The following ARMC9 variants were observed in gnomAD, a reference collection of about 807,000 sequenced individuals.
ARMC9 encodes lisH domain-containing protein ARMC9.
A neutral mutation model predicts 107.0 loss-of-function variants in ARMC9; 94 were observed. The observed-to-expected ratio is 0.88, with a 90% CI of 0.74 to 1.04. The LOEUF (loss-of-function observed/expected upper bound fraction) is 1.04, where lower values mean the gene tolerates loss of function less well. ARMC9 is among the 50% of genes least tolerant of loss of function. The pLI is 0.00. For missense variants in ARMC9, 942 were observed against 1,030.1 expected (o/e 0.91, Z 1.17); for synonymous variants, 380 against 396.9 (o/e 0.96, Z 0.51).
In ARMC9 at chr2:231,222,812, A is replaced by G. The variant is rs779666635; in HGVS notation, c.589A>G (p.Thr197Ala). 1.0e-5 allele frequency: 16 copies of G among 1,578,386 alleles called. No homozygotes were observed. The South Asian group carries it at 1.5e-4, about 14-fold the overall frequency. Residue 197 changes from threonine (T) to alanine (A), a missense_variant, in exon 6 of 25, where the codon ACA (threonine) becomes GCA (alanine). Transcript: ENST00000611582. ...SKASNTPKLL[T>A]IYKENGQSNK... ...AGCCAGCAACACGCCAAAGCTTTTAACAATATATGTATCCTTTTGAAGCAA... is the reference window on the plus strand; with the variant it reads ...AGCCAGCAACACGCCAAAGCTTTTAGCAATATATGTATCCTTTTGAAGCAA...
chr2:231,282,184 C>A (rs1256683073), intron 17 of ARMC9, 51 bp downstream of exon 17: 2 of 1,584,370 alleles, frequency 1.3e-6, no homozygotes, highest in South Asian at 1.1e-5. Flanking sequence ...TGCCACAGTT[C>A]AGAGCTTTTA....
intron 13 of ARMC9, among the ~76,000 whole-genome samples, chr2:231,271,635 A>G (rs1170212346): frequency 6.6e-6 from 1 of 152,244 alleles, no homozygotes. Flanking sequence ...GGGAGTTTTC[A>G]AATTATGAAT....
chr2:231,248,506 C>T (rs2036978156), intron 9 of ARMC9, among the ~76,000 whole-genome samples: 1 of 152,054 alleles, frequency 6.6e-6, no homozygotes, highest in Admixed American at 6.6e-5. Flanking sequence ...GCAAGTGCCC[C>T]TTCTCGTTAA....
rs1397803802 is a variant in ARMC9, at chr2:231,376,789, G to T, written c.*5254G>T. ...AACTTGCTGGTTTTTGTGGCTTGTGGGGCATCACGGATCCTACCAACGTGT... is the reference window on the plus strand; with the variant it reads ...AACTTGCTGGTTTTTGTGGCTTGTGTGGCATCACGGATCCTACCAACGTGT... On this transcript the variant is annotated 3_prime_UTR_variant, in exon 25 of 25. Coordinates refer to ENST00000611582, the MANE Select transcript of ARMC9 (RefSeq NM_001352754.2). Among the ~76,000 whole-genome samples the T allele has an allele frequency of 2.0e-5, 3 of 152,030 alleles. No individual in the cohort carries two copies. Among genetic ancestry groups the T allele is most frequent in the Non-Finnish European group, 2.9e-5 (2 of 67,996 alleles).
intron 19 of ARMC9, among the ~76,000 whole-genome samples, chr2:231,310,983 T>A (rs116372882): frequency 6.6e-6 from 1 of 150,972 alleles, no homozygotes; most frequent in Admixed American, 6.6e-5. Context: ...AAAAATTAGC[T>A]AAGTGTGCTT....
intron 17 of ARMC9, chr2:231,288,638 T>C (rs887987688): frequency 2.8e-5 from 13 of 471,204 alleles, no homozygotes; most frequent in African/African-American, 2.4e-4. Context: ...AGAGATGCTT[T>C]CTCTCATTTA....
chr2:231,365,030 G>A (rs916938274), intron 23 of ARMC9, among the ~76,000 whole-genome samples: 2 of 152,158 alleles, frequency 1.3e-5, no homozygotes, highest in South Asian at 2.1e-4. Context: ...CTGAGCCCCT[G>A]GTGGCCTCAG....
At chr2:231,202,031 A>G (rs1157051006) in intron 1 of ARMC9, among the ~76,000 whole-genome samples, 3 of 132,532 alleles carry the variant, frequency 2.3e-5, no homozygotes, top group African/African-American at 8.7e-5. Flanking sequence ...ACAGAGTCTC[A>G]CTCTGTTGCC....
intron 22 of ARMC9, among the ~76,000 whole-genome samples, chr2:231,357,579 CTTTAT>C (rs150161159): frequency 0.13 from 20,123 of 151,668 alleles, 3,140 homozygotes; most frequent in African/African-American, 0.38. Context: ...TTTTATTTTA[CTTTAT>C]TTTATTTTAT....
chr2:231,210,923 CT>C (rs2032749593), intron 3 of ARMC9, among the ~76,000 whole-genome samples: 1 of 152,182 alleles, frequency 6.6e-6, no homozygotes, highest in Non-Finnish European at 1.5e-5. Context: ...TATCCTCCCC[CT>C]AGGCCTTGGC....
chr2:231,299,064 C>G (rs2041559549), intron 19 of ARMC9, among the ~76,000 whole-genome samples: 1 of 152,202 alleles, frequency 6.6e-6, no homozygotes, highest in South Asian at 2.1e-4. Context: ...ACTGGAAACT[C>G]TCAAGAGAAC....
intron 3 of ARMC9, among the ~76,000 whole-genome samples, chr2:231,210,217 TCTGGCCC>T (rs1426845134): frequency 6.6e-6 from 1 of 152,238 alleles, no homozygotes; most frequent in Non-Finnish European, 1.5e-5. Flanking sequence ...GCTTCAGGCC[TCTGGCCC>T]CTGGATGCTG....
intron 21 of ARMC9, among the ~76,000 whole-genome samples, chr2:231,348,294 A>G (rs2044891960): frequency 6.6e-6 from 1 of 152,250 alleles, no homozygotes; most frequent in African/African-American, 2.4e-5. Flanking sequence ...ACGCAAGGCC[A>G]TGAGCCGAGG....
At chr2:231,337,072 A>G (rs2044142283) in intron 20 of ARMC9, among the ~76,000 whole-genome samples, 1 of 152,114 alleles carries the variant, frequency 6.6e-6, no homozygotes, top group South Asian at 2.1e-4. Context: ...AACAAAAACC[A>G]AAACTAGAGG....
intron 19 of ARMC9, among the ~76,000 whole-genome samples, chr2:231,321,041 G>A (rs770502459): frequency 1.1e-4 from 16 of 152,178 alleles, no homozygotes; most frequent in Non-Finnish European, 2.2e-4. Context: ...TGTGGCTTTG[G>A]GCAAGCTGGT....
chr2:231,227,732 G>C (rs1473177536), intron 7 of ARMC9, among the ~76,000 whole-genome samples: 1 of 152,240 alleles, frequency 6.6e-6, no homozygotes, highest in Non-Finnish European at 1.5e-5. Context: ...GGGAGAGCTT[G>C]GGTTTGGGTT....
intron 21 of ARMC9, among the ~76,000 whole-genome samples, chr2:231,346,679 A>G (rs2044831079): frequency 6.6e-6 from 1 of 152,208 alleles, no homozygotes; most frequent in Non-Finnish European, 1.5e-5. Context: ...AGACTTTTGC[A>G]CATAACCCCA....
chr2:231,360,920 C>G lies in ARMC9; in HGVS notation c.2261+37C>G. 1.0e-5 allele frequency: 15 copies of G among 1,480,368 alleles called. No homozygotes were observed. Among genetic ancestry groups the G allele is most frequent in the Non-Finnish European group, 1.3e-5 (15 of 1,120,996 alleles). 91.7% of individuals were successfully genotyped at this position (1,480,368 alleles called of 1,614,324 possible). On this transcript the variant is annotated intron_variant, in intron 23 of 24. Transcript: ENST00000611582. The surrounding 1 kb of genome is among the most constrained non-coding windows in gnomAD (Gnocchi z 4.7). Reference sequence around the variant, plus strand: ...ATCACAAGGCCTCGAACCTGACTCTCGGAGCTCTGGGAGTGGGCGCCCCAC... The same window carrying G: ...ATCACAAGGCCTCGAACCTGACTCTGGGAGCTCTGGGAGTGGGCGCCCCAC...
chr2:231,341,298 A>G (rs1225930983), intron 20 of ARMC9, among the ~76,000 whole-genome samples: 1 of 152,222 alleles, frequency 6.6e-6, no homozygotes, highest in Non-Finnish European at 1.5e-5. Context: ...TCTTGATCAT[A>G]TGATGACGGG....
Sources: gnomAD v4.1 joint callset for allele counts (sites outside exome capture counted in the v4.1 genomes callset) on GRCh38, gnomAD v4.1.1 for gene constraint, Gnocchi (gnomAD v3.1) non-coding constraint, MANE v1.5 for transcripts, NCBI Gene and HGNC (gene_info 2026-07-23, HGNC 2026-07-21) for gene names.